AGFG1: variants seen among roughly 807,000 people sequenced by gnomAD.
AGFG1 encodes ArfGAP with FG repeats 1, also known as arf-GAP domain and FG repeat-containing protein 1.
AGFG1 carries 10 observed loss-of-function variants against 60.6 expected under a neutral mutation model. The observed-to-expected ratio is 0.16, with a 90% CI of 0.10 to 0.28. The LOEUF is 0.28. AGFG1 is among the 10% of genes least tolerant of loss of function. The pLI, the probability that AGFG1 is intolerant of heterozygous loss-of-function variation, is 1.00. For synonymous variants in AGFG1, 247 were observed against 242.9 expected (o/e 1.02, Z -0.16); for missense variants, 537 against 676.5 (o/e 0.79, Z 2.29).
At chr2:227,531,585 C>T (rs1181929561) in intron 6 of AGFG1, among the ~76,000 whole-genome samples, 1 of 135,856 alleles carries the variant, frequency 7.4e-6, no homozygotes, top group African/African-American at 2.7e-5. Flanking sequence ...CATGCCACCA[C>T]TCCCAGCTAA....
chr2:227,542,523 T>A (rs1377168166), intron 10 of AGFG1, among the ~76,000 whole-genome samples: 1 of 152,184 alleles, frequency 6.6e-6, no homozygotes, highest in African/African-American at 2.4e-5. Context: ...TTGATCATGG[T>A]GGATAAGCTT....
intron 2 of AGFG1, among the ~76,000 whole-genome samples, chr2:227,516,282 A>G (rs1307989975): frequency 5.3e-5 from 8 of 152,224 alleles, no homozygotes; most frequent in Non-Finnish European, 1.0e-4. Context: ...GAAAATTTGC[A>G]TTTCCAACAA....
At chr2:227,501,268 A>G (rs779913928) in intron 2 of AGFG1, among the ~76,000 whole-genome samples, 14 of 152,152 alleles carry the variant, frequency 9.2e-5, no homozygotes, top group Admixed American at 2.0e-4. Context: ...TTTAGTAGAG[A>G]TGGGGTTTTG....
rs189994467 is a variant in AGFG1, at chr2:227,552,957, G to A, written c.1538-747G>A. Among the ~76,000 whole-genome samples, 479 of 127,098 alleles carry A rather than the reference G, an allele frequency of 3.8e-3. 2 individuals carry two copies. Among genetic ancestry groups the A allele is most frequent in the African/African-American group, 0.014 (452 of 32,218 alleles). 83.4% of individuals were successfully genotyped at this position (127,098 alleles called of 152,430 possible). ...GCGGAGGTTGTGGTGAGCCGAGATC[G>A]CCATTGCACTCCAGCTTGGGTGACA... is the stretch of plus-strand genomic sequence containing the variant. On this transcript the variant is annotated intron_variant, in intron 11 of 12. Transcript: ENST00000310078.
At position 227,557,443 on chromosome 2, in the gene AGFG1, G is replaced by T. The variant is rs1192781522; in HGVS notation, c.*2948G>T. The T allele has an allele frequency of 1.3e-5, 2 of 152,138 alleles. No individual in the cohort carries two copies. The highest frequency in any genetic ancestry group is 4.8e-5 in the African/African-American group (2 of 41,420). The allele number at this position is 152,138 out of a possible 1,614,324, so 9.4% of individuals were successfully genotyped here. On this transcript the variant is annotated 3_prime_UTR_variant, in exon 13 of 13. Coordinates refer to ENST00000310078, the MANE Select transcript of AGFG1 (RefSeq NM_004504.5). Reference sequence around the variant, plus strand: ...CCTGTCAATTGGCAACATGGAGAGGGTGACCTGGCTGCTGGTTTACCACTG... The same window carrying T: ...CCTGTCAATTGGCAACATGGAGAGGTTGACCTGGCTGCTGGTTTACCACTG...
intron 2 of AGFG1, among the ~76,000 whole-genome samples, chr2:227,516,496 GAGAC>G (rs1225661606): frequency 1.3e-5 from 2 of 152,200 alleles, no homozygotes; most frequent in Non-Finnish European, 2.9e-5. Flanking sequence ...CTTTGACAGT[GAGAC>G]AGTTTGAATT....
chr2:227,518,893 C>G (rs1691738412), intron 2 of AGFG1, among the ~76,000 whole-genome samples: 1 of 152,174 alleles, frequency 6.6e-6, no homozygotes, highest in African/African-American at 2.4e-5. Context: ...CAAGTGTTGG[C>G]TGGGCATGGT....
chr2:227,533,456 GA>G (rs1692219555), intron 6 of AGFG1, 92 bp from the exon 7 acceptor site: 1 of 1,095,218 alleles, frequency 9.1e-7, no homozygotes, highest in African/African-American at 1.6e-5. Context: ...TTGCTTATAG[GA>G]CATTTAATTT....
chr2:227,515,851 A>G (rs1691634524), intron 2 of AGFG1, among the ~76,000 whole-genome samples: 1 of 152,150 alleles, frequency 6.6e-6, no homozygotes, highest in Admixed American at 6.5e-5. Context: ...CAGCAAATCT[A>G]GATGCCTGAA....
intron 5 of AGFG1, among the ~76,000 whole-genome samples, chr2:227,529,001 G>A (rs1416996602): frequency 6.6e-6 from 1 of 152,054 alleles, no homozygotes; most frequent in Non-Finnish European, 1.5e-5. Context: ...GAGAGGAGTT[G>A]TTTTTTAGTC....
intron 5 of AGFG1, 76 bp from the exon 6 acceptor site, chr2:227,531,015 C>G: frequency 1.5e-6 from 2 of 1,307,592 alleles, no homozygotes; most frequent in Middle Eastern, 3.9e-4. Context: ...TCATATAATT[C>G]TTAAACTCAT....
intron 2 of AGFG1, among the ~76,000 whole-genome samples, chr2:227,505,299 G>A (rs1372805184): frequency 2.6e-5 from 4 of 152,148 alleles, no homozygotes; most frequent in Non-Finnish European, 4.4e-5. Flanking sequence ...TATGCTTTGT[G>A]TATGTGTATG....
Position 227,554,061 on chromosome 2 carries a change from T to C in AGFG1, c.1629+266T>C, listed in dbSNP as rs1692899248. Among the ~76,000 whole-genome samples, 3 of 152,346 alleles carry C rather than the reference T, an allele frequency of 2.0e-5. 1 individual carries two copies. The highest frequency in any genetic ancestry group is 4.1e-4 in the South Asian group (2 of 4,830). On this transcript the variant is annotated intron_variant, in intron 12 of 12. Coordinates refer to ENST00000310078, the MANE Select transcript of AGFG1 (RefSeq NM_004504.5). The stretch of plus-strand genomic sequence containing the variant: ...ACAGTAGATCAGCTATTTTATAATA[T>C]GAAACTTATCTGCTTTCTTGTCAAA...
intron 2 of AGFG1, among the ~76,000 whole-genome samples, chr2:227,492,041 A>G (rs953728495): frequency 6.6e-6 from 1 of 151,962 alleles, no homozygotes; most frequent in Non-Finnish European, 1.5e-5. Context: ...ATTTTTCGTA[A>G]ATTTTTAACT....
intron 2 of AGFG1, among the ~76,000 whole-genome samples, chr2:227,518,639 T>G (rs1413988542): frequency 6.7e-6 from 1 of 150,258 alleles, no homozygotes; most frequent in Non-Finnish European, 1.5e-5. Flanking sequence ...TTCTTCTGAC[T>G]CAGCCTCCTG....
chr2:227,505,188 AT>A (rs1278016833), intron 2 of AGFG1, among the ~76,000 whole-genome samples: 1 of 136,602 alleles, frequency 7.3e-6, no homozygotes, highest in Non-Finnish European at 1.6e-5. Flanking sequence ...CTTTTTTGAA[AT>A]TTACTTTATC....
intron 6 of AGFG1, 76 bp downstream of exon 6, chr2:227,531,286 A>G: frequency 6.7e-7 from 1 of 1,493,764 alleles, no homozygotes; most frequent in Non-Finnish European, 9.0e-7. Flanking sequence ...TTGAAAAATT[A>G]GTCTAAACTT....
chr2:227,481,890 C>CA (rs1244986435), intron 1 of AGFG1, among the ~76,000 whole-genome samples: 1 of 119,178 alleles, frequency 8.4e-6, no homozygotes, highest in Non-Finnish European at 1.6e-5. Flanking sequence ...TTTTTTGAGA[C>CA]AGAGTCTCGC....
chr2:227,491,604 A>G lies in AGFG1; in HGVS notation c.225A>G (p.Gln75=). Residue 75 remains glutamine, a synonymous_variant, in exon 2 of 13, where the codon CAA becomes CAG. Transcript: ENST00000310078. ...CTATCTCCATGACAACATTCACACA[A>G]CAGGAAATTGAATTCTTACAAAAAC... ...VKSISMTTFT[Q]QEIEFLQKHG... 1 of 1,565,142 alleles carries G rather than the reference A, an allele frequency of 6.4e-7. No individual in the cohort carries two copies.
Sources: gnomAD v4.1 joint callset for allele counts (sites outside exome capture counted in the v4.1 genomes callset) on GRCh38, gnomAD v4.1.1 for gene constraint, MANE v1.5 for transcripts, NCBI Gene and HGNC (gene_info 2026-07-23, HGNC 2026-07-21) for gene names.